The following BRMS1L variants were observed in gnomAD, a reference collection of about 807,000 sequenced individuals.
BRMS1L encodes the protein BRMS1 like transcriptional repressor.
Under a neutral mutation model 50.3 loss-of-function variants are expected in BRMS1L, and 23 were observed. The ratio of observed to expected loss-of-function variants is 0.46; its 90% confidence interval spans 0.33 to 0.65. The LOEUF is 0.65. Among genes scored for constraint, BRMS1L ranks in the 30% least tolerant of loss-of-function variants. The pLI is 0.02. For missense variants in BRMS1L, 286 were observed against 386.1 expected, an observed-to-expected ratio of 0.74 and a Z score of 2.17; for synonymous variants, 114 against 126.9, an observed-to-expected ratio of 0.90 and a Z score of 0.69.
chr14:35,846,598 G>C lies in BRMS1L; in HGVS notation c.441+11675G>C, dbSNP rs901006423. Among the ~76,000 whole-genome samples, 5 of 152,092 alleles carry C rather than the reference G, an allele frequency of 3.3e-5. No individual in the cohort carries two copies. The South Asian group carries it at 1.0e-3, about 31-fold the overall frequency. On this transcript the variant is annotated intron_variant, in intron 4 of 9. Transcript: ENST00000216807. ...TTGAGTTGGTCTGCTATTTCTTCAT[G>C]ATTAGAATCAGGTTTTGCAACTGGC...
intron 1 of BRMS1L, among the ~76,000 whole-genome samples, chr14:35,829,346 T>TC (rs2077888480): frequency 6.6e-6 from 1 of 152,226 alleles, no homozygotes; most frequent in East Asian, 1.9e-4. Context: ...GTTAAAATTC[T>TC]CCCCCTATAA....
intron 4 of BRMS1L, among the ~76,000 whole-genome samples, chr14:35,844,026 C>T (rs143353199): frequency 4.0e-4 from 61 of 152,252 alleles, no homozygotes; most frequent in African/African-American, 1.5e-3. Flanking sequence ...TAATGGTGGA[C>T]GCCCCTCCCC....
chr14:35,826,427 G>C lies in BRMS1L; in HGVS notation c.-90G>C, dbSNP rs2077842767. 1.3e-6 allele frequency: 2 copies of C among 1,532,050 alleles called. No individual in the cohort carries two copies. Among genetic ancestry groups the C allele is most frequent in the South Asian group, 1.2e-5 (1 of 83,318 alleles). The allele number at this position is 1,532,050 out of a possible 1,614,324, so 94.9% of individuals were successfully genotyped here. ...AAGGGGGCGAGCAAGCTCGGTGGCT[G>C]GGTGGGTTGGGGCGTTCCGCGCGCC... is the stretch of plus-strand genomic sequence containing the variant. On this transcript the variant is annotated 5_prime_UTR_variant, in exon 1 of 10. Coordinates refer to ENST00000216807, the MANE Select transcript of BRMS1L (RefSeq NM_032352.4).
chr14:35,832,368 A>G (rs1330692883), intron 2 of BRMS1L, among the ~76,000 whole-genome samples: 1 of 149,446 alleles, frequency 6.7e-6, no homozygotes, highest in Admixed American at 6.6e-5. Context: ...AAAAAAAAAA[A>G]ATTAGCCGGG....
rs371418196 is a variant in BRMS1L at position 35,869,278 on chromosome 14, C to T, written c.855-1082C>T. 7.2e-5 allele frequency among the ~76,000 whole-genome samples: 11 copies of T among 152,188 alleles called. No individual in the cohort carries two copies. In the South Asian group the frequency reaches 1.5e-3, roughly 20 times the overall value. On this transcript the variant is annotated intron_variant, in intron 9 of 9. Transcript: ENST00000216807. ...GTTTAAAAAGAGATGAGGCCAGGTA[C>T]AATAGATCTTTCCTGTAGTAATTCC... is the stretch of plus-strand genomic sequence containing the variant.
chr14:35,858,412 T>C (rs1346854331), intron 4 of BRMS1L, among the ~76,000 whole-genome samples: 1 of 152,182 alleles, frequency 6.6e-6, no homozygotes, highest in Non-Finnish European at 1.5e-5. Flanking sequence ...TAGCATCTTA[T>C]TTTCTCCTTA....
chr14:35,859,171 T>C (rs1256631073), intron 4 of BRMS1L, among the ~76,000 whole-genome samples: 5 of 152,132 alleles, frequency 3.3e-5, no homozygotes, highest in Non-Finnish European at 5.9e-5. Flanking sequence ...CTTGAACTTG[T>C]GACCTCAAGT....
chr14:35,841,998 C>CTT (rs574267347), intron 4 of BRMS1L, among the ~76,000 whole-genome samples: 10 of 112,210 alleles, frequency 8.9e-5, no homozygotes, highest in East Asian at 2.5e-4. Context: ...GCAATCTCTG[C>CTT]TTTTTTTTTT....
Position 35,865,290 on chromosome 14 carries a change from A to C in BRMS1L, c.687+291A>C, listed in dbSNP as rs1337772776. Reference sequence around the variant, plus strand: ...TCTGCCCAAAAATAATAACATCACCATCTGTGCCTAGTCCTTTGGCTGGTC... The same window carrying C: ...TCTGCCCAAAAATAATAACATCACCCTCTGTGCCTAGTCCTTTGGCTGGTC... On this transcript the variant is annotated intron_variant, in intron 7 of 9. Transcript: ENST00000216807. 3.3e-5 allele frequency among the ~76,000 whole-genome samples: 5 copies of C among 152,350 alleles called. No individual in the cohort carries two copies. The East Asian group carries it at 9.6e-4, about 29-fold the overall frequency.
intron 4 of BRMS1L, among the ~76,000 whole-genome samples, chr14:35,839,800 A>G (rs2078038851): frequency 6.6e-6 from 1 of 152,182 alleles, no homozygotes; most frequent in Non-Finnish European, 1.5e-5. Context: ...CTAAATATAC[A>G]ATCGTGTCAT....
At chr14:35,833,211 T>C in intron 3 of BRMS1L, 106 bp downstream of exon 3, 1 of 1,161,884 alleles carries the variant, frequency 8.6e-7, no homozygotes, top group Non-Finnish European at 1.2e-6. Context: ...TACAAGCATA[T>C]TTACATCGAC....
chr14:35,826,510 C>T lies in BRMS1L; in HGVS notation c.-7C>T, dbSNP rs371738680. The T allele has an allele frequency of 2.5e-6, 4 of 1,577,866 alleles. No individual in the cohort carries two copies. The African/African-American group carries it at 5.4e-5, about 21-fold the overall frequency. The stretch of plus-strand genomic sequence containing the variant: ...CCGGTAGTGGAAAGCGACGGCGCGG[C>T]TGGAAAATGCCAGTCCATTCCCGAG... On this transcript the variant is annotated 5_prime_UTR_variant, in exon 1 of 10. Coordinates refer to ENST00000216807, the MANE Select transcript of BRMS1L (RefSeq NM_032352.4).
chr14:35,834,497 C>G, intron 3 of BRMS1L, among the ~76,000 whole-genome samples: 1 of 152,164 alleles, frequency 6.6e-6, no homozygotes, highest in Middle Eastern at 3.4e-3. Flanking sequence ...AGTTTATTAT[C>G]TCCATTTCTA....
chr14:35,847,329 C>T (rs10083506), intron 4 of BRMS1L, among the ~76,000 whole-genome samples: 9,204 of 151,676 alleles, frequency 0.061, 582 homozygotes, highest in African/African-American at 0.15. Context: ...TTTTTAGAAA[C>T]AGGGTCTCTG....
intron 4 of BRMS1L, among the ~76,000 whole-genome samples, chr14:35,856,983 G>A (rs1340982211): frequency 6.6e-6 from 1 of 152,002 alleles, no homozygotes; most frequent in Non-Finnish European, 1.5e-5. Context: ...GCTTATGCCT[G>A]TAATCCCAGC....
In BRMS1L at chr14:35,829,922, C is replaced by G. The variant is rs79363648; in HGVS notation, c.143-1488C>G. 1.1e-5 allele frequency: 11 copies of G among 977,362 alleles called. No individual in the cohort carries two copies. In the African/African-American group the frequency reaches 1.8e-4, roughly 16 times the overall value. 60.5% of individuals were successfully genotyped at this position (977,362 alleles called of 1,614,324 possible). ...GGACAGACCTGGTAATTAACAGTTG[C>G]TTTCCTTAAAAAGTTTGTATTTTCC... On this transcript the variant is annotated intron_variant, in intron 1 of 9. Coordinates refer to ENST00000216807, the MANE Select transcript of BRMS1L (RefSeq NM_032352.4).
intron 4 of BRMS1L, among the ~76,000 whole-genome samples, chr14:35,848,215 T>A (rs1467269070): frequency 6.6e-6 from 1 of 152,254 alleles, no homozygotes; most frequent in Non-Finnish European, 1.5e-5. Context: ...TATATGTATA[T>A]GTTGTGGAAT....
intron 3 of BRMS1L, 121 bp downstream of exon 3, chr14:35,833,226 A>G: frequency 9.5e-7 from 1 of 1,047,598 alleles, no homozygotes; most frequent in Non-Finnish European, 1.3e-6. Context: ...ATCGACCAGA[A>G]TATTTTACTT....
intron 4 of BRMS1L, among the ~76,000 whole-genome samples, chr14:35,839,932 A>C (rs921052528): frequency 6.6e-6 from 1 of 152,180 alleles, no homozygotes; most frequent in Non-Finnish European, 1.5e-5. Flanking sequence ...GAGAGAGGAC[A>C]TCCTTGTCTT....
Sources: gnomAD v4.1 joint callset for allele counts (sites outside exome capture counted in the v4.1 genomes callset) on GRCh38, gnomAD v4.1.1 for gene constraint, MANE v1.5 for transcripts, NCBI Gene and HGNC (gene_info 2026-07-23, HGNC 2026-07-21) for gene names.